Variants in ENPP6 observed in about 807,000 individuals in gnomAD.
ENPP6 encodes the protein glycerophosphocholine cholinephosphodiesterase ENPP6.
ENPP6 carries 32 observed loss-of-function variants against 42.0 expected under a neutral mutation model. That is an observed-to-expected ratio of 0.76 (90% CI 0.58 to 1.02). The LOEUF is 1.02. ENPP6 is among the 50% of genes least tolerant of loss of function. The pLI, the probability that ENPP6 is intolerant of heterozygous loss-of-function variation, is 0.00. For missense variants in ENPP6, 552 were observed against 566.8 expected, an observed-to-expected ratio of 0.97 and a Z score of 0.27; for synonymous variants, 213 against 216.0, an observed-to-expected ratio of 0.99 and a Z score of 0.12.
intron 1 of ENPP6, among the ~76,000 whole-genome samples, chr4:184,202,029 G>T (rs1225362401): frequency 6.6e-6 from 1 of 152,076 alleles, no homozygotes; most frequent in Non-Finnish European, 1.5e-5. Flanking sequence ...CATTTACTGG[G>T]GTCCACTAGG....
Position 184,112,549 on chromosome 4 carries a change from G to A in ENPP6, c.993+123C>T, listed in dbSNP as rs182787696. ...TTGATTCTCTAAAGAAAGACATAAC[G>A]CAACAAACGATGCCTAAGTGAAAAA... On this transcript the variant is annotated intron_variant, in intron 6 of 7. Transcript: ENST00000296741. 259 of 1,198,942 alleles carry A rather than the reference G, an allele frequency of 2.2e-4. 1 individual carries two copies. In the East Asian group the frequency reaches 5.7e-3, roughly 27 times the overall value. 74.3% of individuals were successfully genotyped at this position (1,198,942 alleles called of 1,614,324 possible).
intron 1 of ENPP6, among the ~76,000 whole-genome samples, chr4:184,173,278 A>G (rs1029704308): frequency 6.6e-6 from 1 of 152,244 alleles, no homozygotes; most frequent in African/African-American, 2.4e-5. Flanking sequence ...AACAAAAGAA[A>G]GAAATCAAAG....
intron 1 of ENPP6, among the ~76,000 whole-genome samples, chr4:184,212,620 C>T (rs533959101): frequency 4.0e-4 from 61 of 151,848 alleles, no homozygotes; most frequent in Admixed American, 2.6e-3. Context: ...ACATTCCATG[C>T]TCATGGGTAG....
intron 1 of ENPP6, among the ~76,000 whole-genome samples, chr4:184,211,344 G>A (rs1329582377): frequency 6.6e-6 from 1 of 151,966 alleles, no homozygotes; most frequent in Non-Finnish European, 1.5e-5. Context: ...CCACTAGCAA[G>A]ACTAATAAAG....
intron 1 of ENPP6, among the ~76,000 whole-genome samples, chr4:184,159,448 G>A (rs961777781): frequency 4.6e-5 from 7 of 152,152 alleles, no homozygotes; most frequent in Non-Finnish European, 1.0e-4. Flanking sequence ...TGAAAGAAGT[G>A]ATGTGATTGA....
chr4:184,103,272 T>A (rs1214833077), intron 6 of ENPP6, among the ~76,000 whole-genome samples: 3 of 152,186 alleles, frequency 2.0e-5, no homozygotes, highest in Non-Finnish European at 1.5e-5. Flanking sequence ...AAAGTATAAT[T>A]CTCATGGGGT....
chr4:184,191,594 GT>G lies in ENPP6; in HGVS notation c.241+25984del, dbSNP rs558642450. Among the ~76,000 whole-genome samples the G allele has an allele frequency of 2.0e-3, 308 of 152,290 alleles. 14 individuals are homozygous for G. The South Asian group carries it at 0.061, about 30-fold the overall frequency. On this transcript the variant is annotated intron_variant, in intron 1 of 7. Coordinates refer to ENST00000296741, the MANE Select transcript of ENPP6 (RefSeq NM_153343.4). ...TCCTGATCCACTCACTTCCTGACTA[GT>G]TGACCTCAGGCAAGGCACTTAACTT... is the stretch of plus-strand genomic sequence containing the variant.
chr4:184,099,147 T>C (rs11724806), intron 6 of ENPP6, among the ~76,000 whole-genome samples: 34,205 of 152,110 alleles, frequency 0.22, 4,826 homozygotes, highest in African/African-American at 0.4. Flanking sequence ...AGGGCTGGGA[T>C]TGGAACCCAG....
At chr4:184,151,906 T>C (rs1737056502) in intron 2 of ENPP6, among the ~76,000 whole-genome samples, 1 of 152,330 alleles carries the variant, frequency 6.6e-6, no homozygotes, top group Middle Eastern at 3.4e-3. Flanking sequence ...CGAAAAGTTA[T>C]CTCCTTGTAA....
At chr4:184,188,622 GT>G (rs1732671942) in intron 1 of ENPP6, among the ~76,000 whole-genome samples, 1 of 152,158 alleles carries the variant, frequency 6.6e-6, no homozygotes, top group Admixed American at 6.5e-5. Context: ...CAGAAGCCAC[GT>G]GGGGAGACGA....
intron 1 of ENPP6, among the ~76,000 whole-genome samples, chr4:184,175,931 G>A (rs940870810): frequency 2.6e-5 from 4 of 151,720 alleles, no homozygotes; most frequent in Admixed American, 2.0e-4. Flanking sequence ...AAGGTGTTGT[G>A]TAAAAAATAG....
chr4:184,139,382 T>A (rs141974910), intron 2 of ENPP6, among the ~76,000 whole-genome samples: 4,773 of 151,602 alleles, frequency 0.031, 149 homozygotes, highest in Admixed American at 0.086. Context: ...ATACTTTAAG[T>A]TTTCGGGTAC....
intron 1 of ENPP6, among the ~76,000 whole-genome samples, chr4:184,198,150 G>A (rs1194364634): frequency 2.0e-5 from 3 of 152,256 alleles, no homozygotes; most frequent in African/African-American, 7.2e-5. Context: ...CCAACAGACG[G>A]GGCTTGGCAG....
intron 2 of ENPP6, 72 bp downstream of exon 2, chr4:184,153,482 G>A (rs149077684): frequency 5.7e-5 from 84 of 1,480,246 alleles, no homozygotes; most frequent in Non-Finnish European, 7.5e-5. Flanking sequence ...TCTTCAAACA[G>A]TAACTTGACA....
intron 6 of ENPP6, among the ~76,000 whole-genome samples, chr4:184,106,238 T>C (rs939810447): frequency 6.6e-5 from 10 of 152,164 alleles, no homozygotes; most frequent in Non-Finnish European, 7.3e-5. Flanking sequence ...TTTCATCACG[T>C]TGGCCAGGCT....
intron 6 of ENPP6, among the ~76,000 whole-genome samples, chr4:184,112,021 T>C (rs2111341363): frequency 6.6e-6 from 1 of 152,272 alleles, no homozygotes; most frequent in South Asian, 2.1e-4. Flanking sequence ...CACCTTCAAA[T>C]TCCTAAAATA....
chr4:184,177,473 G>C lies in ENPP6; in HGVS notation c.242-23740C>G, dbSNP rs114067114. Among the ~76,000 whole-genome samples, 1,083 of 152,310 alleles carry C rather than the reference G, an allele frequency of 7.1e-3. 8 individuals are homozygous for C. Among genetic ancestry groups the C allele is most frequent in the Non-Finnish European group, 0.012 (820 of 68,014 alleles). On this transcript the variant is annotated intron_variant, in intron 1 of 7. Coordinates refer to ENST00000296741, the MANE Select transcript of ENPP6 (RefSeq NM_153343.4). ...GAATCTGGGCAGTCCAGACGAGTGG[G>C]ATTCCTTCCAGCACAGTGCACCCCC... is the stretch of plus-strand genomic sequence containing the variant.
intron 2 of ENPP6, among the ~76,000 whole-genome samples, chr4:184,148,895 C>T (rs1033655459): frequency 2.0e-5 from 3 of 152,144 alleles, no homozygotes; most frequent in African/African-American, 7.2e-5. Context: ...TACATGAGAA[C>T]AAAAGTGTGA....
At chr4:184,095,676 A>C (rs997201514) in intron 7 of ENPP6, among the ~76,000 whole-genome samples, 8 of 150,924 alleles carry the variant, frequency 5.3e-5, no homozygotes, top group South Asian at 4.2e-4. Flanking sequence ...ATATATCTAT[A>C]TATATATATA....
Sources: allele counts gnomAD v4.1 joint callset (sites outside exome capture counted in the v4.1 genomes callset), GRCh38; gene constraint gnomAD v4.1.1; transcripts MANE v1.5; gene names NCBI Gene and HGNC (gene_info 2026-07-23, HGNC 2026-07-21).